The following FOXP1 variants were observed in gnomAD, a reference collection of about 807,000 sequenced individuals.
FOXP1 encodes forkhead box P1, also known as forkhead box protein P1.
In FOXP1, 15 loss-of-function variants were observed where a neutral mutation model predicts 98.2. The ratio of observed to expected loss-of-function variants is 0.15; its 90% confidence interval spans 0.10 to 0.24. The LOEUF (loss-of-function observed/expected upper bound fraction) is 0.24, where lower values mean the gene tolerates loss of function less well. Ranked by LOEUF, FOXP1 falls within the 10% of genes least tolerant of loss-of-function variation. The pLI is 1.00. For synonymous variants in FOXP1, 371 were observed against 314.5 expected, an observed-to-expected ratio of 1.18 and a Z score of -1.90; for missense variants, 633 against 848.5, an observed-to-expected ratio of 0.75 and a Z score of 3.15.
At chr3:71,329,224 T>A (rs2076137557) in intron 4 of FOXP1, among the ~76,000 whole-genome samples, 1 of 151,562 alleles carries the variant, frequency 6.6e-6, no homozygotes, top group African/African-American at 2.4e-5. Context: ...TCTTTTTTTT[T>A]CTTTTTCTTT....
At chr3:71,120,504 G>A (rs944409011) in intron 6 of FOXP1, among the ~76,000 whole-genome samples, 23 of 152,198 alleles carry the variant, frequency 1.5e-4, no homozygotes, top group African/African-American at 5.5e-4. Flanking sequence ...AAGTTTATGA[G>A]ACAATGTCAA....
At position 70,956,803 on chromosome 3, in the gene FOXP1, T is replaced by G. The variant is rs2106813585; in HGVS notation, c.*2444A>C. 5.4e-6 allele frequency: 1 copy of G among 183,672 alleles called. No individual in the cohort carries two copies. Among genetic ancestry groups the G allele is most frequent in the East Asian group, 8.8e-5 (1 of 11,358 alleles). 11.4% of individuals were successfully genotyped at this position (183,672 alleles called of 1,614,324 possible). The stretch of plus-strand genomic sequence containing the variant: ...TCTTGCGTGACCACAGACTGCCCTT[T>G]ATACAGAAAGCAGAGTGAAGCTTCA... On this transcript the variant is annotated 3_prime_UTR_variant, in exon 21 of 21. Coordinates refer to ENST00000649528, the MANE Select transcript of FOXP1 (RefSeq NM_001349338.3).
At chr3:71,354,193 C>T (rs1341129063) in intron 4 of FOXP1, among the ~76,000 whole-genome samples, 1 of 150,078 alleles carries the variant, frequency 6.7e-6, no homozygotes, top group Admixed American at 6.6e-5. Flanking sequence ...GCAGGAGAAT[C>T]GCTTGAACCC....
At chr3:71,484,170 T>C (rs1033373916) in intron 3 of FOXP1, among the ~76,000 whole-genome samples, 8 of 152,202 alleles carry the variant, frequency 5.3e-5, no homozygotes, top group Non-Finnish European at 8.8e-5. Flanking sequence ...AGTCTGATTA[T>C]AACAGCGTGG....
chr3:70,986,141 A>C (rs191561786), intron 14 of FOXP1, among the ~76,000 whole-genome samples: 54 of 152,206 alleles, frequency 3.5e-4, no homozygotes, highest in Admixed American at 3.5e-3. Flanking sequence ...AATCAAGACA[A>C]ACCTTCCATC....
At position 71,115,317 on chromosome 3, in the gene FOXP1, T is replaced by TTTATTTA. The variant is rs1553745322; in HGVS notation, c.181-2681_181-2680insTAAATAA. Among the ~76,000 whole-genome samples the TTTATTTA allele has an allele frequency of 6.9e-3, 996 of 144,126 alleles. 7 individuals carry two copies. Among genetic ancestry groups the TTTATTTA allele is most frequent in the Non-Finnish European group, 0.01 (666 of 66,166 alleles). The allele number at this position is 144,126 out of a possible 152,430, so 94.6% of individuals were successfully genotyped here. On this transcript the variant is annotated intron_variant, in intron 6 of 20. Transcript: ENST00000649528. ...CACTCAATTATTATTATTATTATTA[T>TTTATTTA]TTTATTTATTTATTTATTTATTTAT...
intron 5 of FOXP1, among the ~76,000 whole-genome samples, chr3:71,266,702 CTAAG>C (rs1339815170): frequency 2.0e-5 from 3 of 152,166 alleles, no homozygotes; most frequent in African/African-American, 7.2e-5. Flanking sequence ...ACTGTATCCA[CTAAG>C]TAATTTTTTA....
intron 3 of FOXP1, among the ~76,000 whole-genome samples, chr3:71,402,615 G>C (rs931566294): frequency 6.6e-6 from 1 of 152,180 alleles, no homozygotes; most frequent in African/African-American, 2.4e-5. Flanking sequence ...TCAGCATGAA[G>C]TAGTTAGGAT....
intron 11 of FOXP1, among the ~76,000 whole-genome samples, chr3:71,028,612 G>A (rs2046444146): frequency 6.6e-6 from 1 of 152,192 alleles, no homozygotes; most frequent in African/African-American, 2.4e-5. Flanking sequence ...ACCAGGGACT[G>A]GTTTCATGGA....
chr3:71,303,741 A>G (rs2074043275), intron 4 of FOXP1, among the ~76,000 whole-genome samples: 1 of 152,142 alleles, frequency 6.6e-6, no homozygotes, highest in African/African-American at 2.4e-5. Flanking sequence ...CAAAAAAGAA[A>G]AGAAAAAAAA....
intron 2 of FOXP1, among the ~76,000 whole-genome samples, chr3:71,552,083 C>A (rs2045822067): frequency 6.6e-6 from 1 of 152,134 alleles, no homozygotes; most frequent in Admixed American, 6.5e-5. Flanking sequence ...ACAAAATCCA[C>A]CTTCAACAGA....
chr3:71,142,816 T>C lies in FOXP1; in HGVS notation c.181-30179A>G, dbSNP rs138552305. ...AACTATGAGCTAATTTGTGGCAATT[T>C]GTTATGCAACAACAAAAAACTAACA... On this transcript the variant is annotated intron_variant, in intron 6 of 20. Coordinates refer to ENST00000649528, the MANE Select transcript of FOXP1 (RefSeq NM_001349338.3). Among the ~76,000 whole-genome samples the C allele has an allele frequency of 2.6e-5, 4 of 152,368 alleles. No individual in the cohort carries two copies. The East Asian group carries it at 7.7e-4, about 29-fold the overall frequency.
At chr3:71,397,170 G>A (rs556147991) in intron 3 of FOXP1, among the ~76,000 whole-genome samples, 1 of 146,178 alleles carries the variant, frequency 6.8e-6, no homozygotes, top group Non-Finnish European at 1.5e-5. Flanking sequence ...TTGGAAGCAC[G>A]TGTACCTTTC....
At chr3:71,357,484 T>A (rs1437225394) in intron 4 of FOXP1, among the ~76,000 whole-genome samples, 3 of 152,236 alleles carry the variant, frequency 2.0e-5, no homozygotes, top group Non-Finnish European at 2.9e-5. Context: ...ATTGACAGCA[T>A]GATTTCGTAA....
chr3:71,434,859 TAG>T (rs1340921106), intron 3 of FOXP1, among the ~76,000 whole-genome samples: 1 of 152,036 alleles, frequency 6.6e-6, no homozygotes, highest in African/African-American at 2.4e-5. Context: ...CACACACAAA[TAG>T]AGAGACTCAG....
intron 4 of FOXP1, among the ~76,000 whole-genome samples, chr3:71,316,058 G>A (rs1268778230): frequency 1.3e-5 from 2 of 152,214 alleles, no homozygotes; most frequent in Non-Finnish European, 2.9e-5. Flanking sequence ...GGAGGCAAGA[G>A]AGGGCGGCTC....
intron 5 of FOXP1, among the ~76,000 whole-genome samples, chr3:71,256,292 A>G (rs1206311995): frequency 6.6e-6 from 1 of 152,028 alleles, no homozygotes; most frequent in Non-Finnish European, 1.5e-5. Context: ...AATCAACTCC[A>G]CTATTCCTGT....
intron 3 of FOXP1, among the ~76,000 whole-genome samples, chr3:71,422,610 G>T (rs985666966): frequency 6.6e-6 from 1 of 152,180 alleles, no homozygotes; most frequent in African/African-American, 2.4e-5. Flanking sequence ...AAATGAATCT[G>T]AAGTGTGGGG....
intron 5 of FOXP1, among the ~76,000 whole-genome samples, chr3:71,290,287 A>G (rs942765433): frequency 1.1e-4 from 16 of 152,364 alleles, no homozygotes; most frequent in African/African-American, 3.8e-4. Context: ...GCAATCCATC[A>G]GTGAATCCTA....
Sources: allele counts gnomAD v4.1 joint callset (sites outside exome capture counted in the v4.1 genomes callset), GRCh38; gene constraint gnomAD v4.1.1; transcripts MANE v1.5; gene names NCBI Gene and HGNC (gene_info 2026-07-23, HGNC 2026-07-21).